The following CREM variants were observed in gnomAD, a reference collection of about 807,000 sequenced individuals.
CREM encodes cAMP responsive element modulator, also known as cAMP-responsive element modulator.
CREM carries 13 observed loss-of-function variants against 37.3 expected under a neutral mutation model. That is an observed-to-expected ratio of 0.35 (90% CI 0.23 to 0.55). CREM has a LOEUF of 0.55. CREM is among the 20% of genes least tolerant of loss of function. The probability of loss-of-function intolerance (pLI) is 0.88; values close to 1 mark genes in which losing one functional copy is unlikely to be tolerated. For missense variants in CREM, 296 were observed against 362.3 expected, an observed-to-expected ratio of 0.82 and a Z score of 1.49; for synonymous variants, 124 against 120.2, an observed-to-expected ratio of 1.03 and a Z score of -0.21.
intron 2 of CREM, among the ~76,000 whole-genome samples, chr10:35,139,625 G>T (rs892897777): frequency 5.9e-5 from 9 of 151,978 alleles, no homozygotes; most frequent in African/African-American, 1.9e-4. Context: ...TATTGTTTAA[G>T]ATTAAAATAC....
chr10:35,133,937 A>G (rs2089938127), intron 1 of CREM, among the ~76,000 whole-genome samples: 2 of 152,244 alleles, frequency 1.3e-5, no homozygotes, highest in South Asian at 4.1e-4. Context: ...GAAATTGGTT[A>G]AGTAAACTTT....
At chr10:35,205,115 G>GT (rs1270950534) in intron 6 of CREM, among the ~76,000 whole-genome samples, 3 of 152,150 alleles carry the variant, frequency 2.0e-5, no homozygotes, top group African/African-American at 7.2e-5. Context: ...TGGACCATAC[G>GT]TTCTCAATGT....
rs893305745 is a variant in CREM, at chr10:35,175,866, G to A, written c.169-3023G>A. 3 of 1,571,182 alleles carry A rather than the reference G, an allele frequency of 1.9e-6. No homozygotes were observed. The African/African-American group carries it at 4.1e-5, about 21-fold the overall frequency. ...TCATTTTGGCAGGTTTCTGTGGCTG[G>A]ATCAGGCACCAGAAGAGGCTCCCCA... On this transcript the variant is annotated intron_variant, in intron 3 of 7. Transcript: ENST00000685392.
chr10:35,155,529 C>CA (rs888640282), intron 3 of CREM, among the ~76,000 whole-genome samples: 2 of 149,988 alleles, frequency 1.3e-5, no homozygotes, highest in East Asian at 1.9e-4. Flanking sequence ...TAATGAATAA[C>CA]AAAAAAAATA....
chr10:35,201,803 T>C (rs1161713165), intron 6 of CREM, among the ~76,000 whole-genome samples: 1 of 152,188 alleles, frequency 6.6e-6, no homozygotes, highest in East Asian at 1.9e-4. Context: ...AAGAGACACA[T>C]CGCATCTTGT....
chr10:35,158,445 GC>G, intron 3 of CREM: 1 of 291,298 alleles, frequency 3.4e-6, no homozygotes. Flanking sequence ...ATTGAACAGT[GC>G]CGCCTGCAGA....
intron 1 of CREM, among the ~76,000 whole-genome samples, chr10:35,132,652 G>T (rs1335794478): frequency 6.6e-6 from 1 of 152,108 alleles, no homozygotes; most frequent in Non-Finnish European, 1.5e-5. Context: ...GAAAGTTACT[G>T]TTACTTTGCT....
intron 1 of CREM, among the ~76,000 whole-genome samples, chr10:35,129,169 C>T (rs933277297): frequency 1.3e-5 from 2 of 152,088 alleles, no homozygotes; most frequent in Non-Finnish European, 2.9e-5. Context: ...TTGGTGATTG[C>T]GAAGTTGTAA....
intron 3 of CREM, among the ~76,000 whole-genome samples, chr10:35,162,532 A>AT (rs1383223526): frequency 6.6e-6 from 1 of 152,114 alleles, no homozygotes; most frequent in Non-Finnish European, 1.5e-5. Context: ...GATAAATGCA[A>AT]TTTTTTCTGT....
intron 1 of CREM, among the ~76,000 whole-genome samples, chr10:35,130,689 G>A (rs995120673): frequency 6.6e-6 from 1 of 152,144 alleles, no homozygotes; most frequent in Non-Finnish European, 1.5e-5. Context: ...TGTTCTAATC[G>A]TCTGCAGTAT....
intron 3 of CREM, chr10:35,175,938 A>G (rs1393001796): frequency 2.6e-6 from 4 of 1,551,516 alleles, no homozygotes; most frequent in African/African-American, 2.7e-5. Flanking sequence ...ATACATGTCC[A>G]GGGAGTAATT....
chr10:35,203,876 C>T (rs577966861), intron 6 of CREM, among the ~76,000 whole-genome samples: 2 of 152,112 alleles, frequency 1.3e-5, no homozygotes, highest in South Asian at 4.2e-4. Context: ...TCTGTGTGAG[C>T]AGTGTTTGGA....
chr10:35,138,835 G>GA (rs975885599), intron 2 of CREM, among the ~76,000 whole-genome samples: 11 of 148,224 alleles, frequency 7.4e-5, no homozygotes, highest in Admixed American at 1.3e-4. Context: ...CCAGCCTGGG[G>GA]AAAAAAAAAG....
intron 6 of CREM, among the ~76,000 whole-genome samples, chr10:35,189,459 A>T (rs1395951537): frequency 6.6e-6 from 1 of 152,060 alleles, no homozygotes; most frequent in Non-Finnish European, 1.5e-5. Context: ...AGGATTTAGG[A>T]TATAGCACTA....
chr10:35,184,209 C>A (rs927759619), intron 5 of CREM, among the ~76,000 whole-genome samples: 5 of 152,084 alleles, frequency 3.3e-5, no homozygotes, highest in African/African-American at 1.2e-4. Flanking sequence ...ACCAGCTAGA[C>A]CAATATCAGG....
intron 1 of CREM, among the ~76,000 whole-genome samples, chr10:35,132,076 G>A (rs11010103): frequency 6.6e-5 from 10 of 151,492 alleles, no homozygotes; most frequent in African/African-American, 2.2e-4. Context: ...TGGCTCGCGC[G>A]TGTAATCCCA....
At chr10:35,160,047 A>G (rs1375258686) in intron 3 of CREM, among the ~76,000 whole-genome samples, 2 of 152,024 alleles carry the variant, frequency 1.3e-5, no homozygotes, top group African/African-American at 4.8e-5. Context: ...AACAGAACCA[A>G]TGGTGTGGTG....
chr10:35,186,656 C>T (rs1489850395), intron 5 of CREM, among the ~76,000 whole-genome samples: 4 of 140,224 alleles, frequency 2.9e-5, no homozygotes, highest in African/African-American at 1.0e-4. Flanking sequence ...TTATATATAA[C>T]ATATGACATA....
At chr10:35,206,006 T>C (rs1432762472) in intron 6 of CREM, among the ~76,000 whole-genome samples, 1 of 151,350 alleles carries the variant, frequency 6.6e-6, no homozygotes, top group Non-Finnish European at 1.5e-5. Context: ...CCCAGCACTT[T>C]GGGAGGCCAA....
Sources: gnomAD v4.1 joint callset for allele counts (sites outside exome capture counted in the v4.1 genomes callset) on GRCh38, gnomAD v4.1.1 for gene constraint, MANE v1.5 for transcripts, NCBI Gene and HGNC (gene_info 2026-07-23, HGNC 2026-07-21) for gene names.